Variants in ELAVL1 observed in about 807,000 individuals in gnomAD.
ELAVL1 encodes the protein ELAV-like protein 1.
A neutral mutation model predicts 28.4 loss-of-function variants in ELAVL1; 1 was observed. The ratio of observed to expected loss-of-function variants is 0.04; its 90% CI spans 0.01 to 0.17. The LOEUF (loss-of-function observed/expected upper bound fraction) is 0.17, where lower values mean the gene tolerates loss of function less well. ELAVL1 is among the 10% of genes least tolerant of loss of function. ELAVL1 has a pLI of 1.00. For synonymous variants in ELAVL1, 174 were observed against 183.5 expected (o/e 0.95, Z 0.42); for missense variants, 157 against 447.2 (o/e 0.35, Z 5.85).
chr19:7,996,797 G>C (rs1312073728), intron 1 of ELAVL1, among the ~76,000 whole-genome samples: 1 of 151,966 alleles, frequency 6.6e-6, no homozygotes, highest in Non-Finnish European at 1.5e-5. Context: ...TGGGCGATAG[G>C]GCCAGACTCC....
Position 7,973,613 on chromosome 19 carries a change from G to A in ELAVL1, c.430+112C>T, listed in dbSNP as rs756773567. 64 of 1,356,480 alleles carry A rather than the reference G, an allele frequency of 4.7e-5. 1 individual carries two copies. The highest frequency in any genetic ancestry group is 2.7e-4 in the South Asian group (19 of 71,600). The allele number at this position is 1,356,480 out of a possible 1,614,324, so 84.0% of individuals were successfully genotyped here. A position where few individuals can be genotyped will look rare whatever the true frequency, so the allele number is the denominator to read the frequency against. ...GTCTTCTCATTTTGGTGCTGTCCTC[G>A]TTTGCGGAATAACTAATGACATTTA... On this transcript the variant is annotated intron_variant, in intron 4 of 5. Transcript: ENST00000407627.
chr19:8,003,554 T>TGGTAGCCGGCGC (rs1308467952), intron 1 of ELAVL1, among the ~76,000 whole-genome samples: 4 of 151,240 alleles, frequency 2.6e-5, no homozygotes, highest in Admixed American at 6.6e-5. Context: ...TAGTCGGGCG[T>TGGTAGCCGGCGC]GGTAGCCGGC....
intron 4 of ELAVL1, among the ~76,000 whole-genome samples, chr19:7,969,428 G>GC (rs1196913382): frequency 6.6e-6 from 1 of 152,030 alleles, no homozygotes; most frequent in Non-Finnish European, 1.5e-5. Flanking sequence ...CCCCACAATC[G>GC]CGACACTGCA....
intron 1 of ELAVL1, 36 bp from the exon 2 acceptor site, chr19:7,991,867 T>C (rs763212068): frequency 2.1e-5 from 33 of 1,551,616 alleles, no homozygotes; most frequent in Non-Finnish European, 3.5e-6. Context: ...ATTCAAAATG[T>C]TCATATTGCA....
intron 1 of ELAVL1, among the ~76,000 whole-genome samples, chr19:7,999,111 G>A (rs939909490): frequency 6.6e-6 from 1 of 152,240 alleles, no homozygotes; most frequent in African/African-American, 2.4e-5. Flanking sequence ...GGTGGCTTAT[G>A]CCTGTAATCC....
intron 1 of ELAVL1, among the ~76,000 whole-genome samples, chr19:8,005,108 C>T (rs1009626393): frequency 2.6e-5 from 4 of 152,142 alleles, no homozygotes; most frequent in African/African-American, 9.6e-5. Flanking sequence ...GGAGCAAGCC[C>T]GTGGGCCGTG....
chr19:7,966,513 G>C (rs1984959134), intron 5 of ELAVL1, among the ~76,000 whole-genome samples: 1 of 152,236 alleles, frequency 6.6e-6, no homozygotes, highest in Non-Finnish European at 1.5e-5. Flanking sequence ...GTTTGAAAAA[G>C]GTTTGCCTTA....
chr19:7,967,720 G>C lies in ELAVL1; in HGVS notation c.501C>G (p.Phe167Leu). 3.1e-6 allele frequency: 5 copies of C among 1,614,172 alleles called. No individual in the cohort carries two copies. Among genetic ancestry groups the C allele is most frequent in the African/African-American group, 1.3e-5 (1 of 75,034 alleles). Residue 167 changes from phenylalanine to leucine, a missense_variant, in exon 5 of 6, where the codon TTC becomes TTG. Phe to Leu is a conservative substitution (Grantham distance 22, BLOSUM62 0). Coordinates refer to ENST00000407627, the MANE Select transcript of ELAVL1 (RefSeq NM_001419.3). ...AGGAACCTGGGGGTTTATGACCATTGAAACTGGTAATTGCCTCTTCTGCCT... is the reference window on the plus strand; with the variant it reads ...AGGAACCTGGGGGTTTATGACCATTCAAACTGGTAATTGCCTCTTCTGCCT... ...RSEAEEAITSFNGHKPPGSSE... is the reference protein window; with the variant it reads ...RSEAEEAITSLNGHKPPGSSE...
intron 2 of ELAVL1, among the ~76,000 whole-genome samples, chr19:7,986,309 G>C (rs1409180310): frequency 6.6e-6 from 1 of 152,222 alleles, no homozygotes; most frequent in Non-Finnish European, 1.5e-5. Flanking sequence ...ACTGGAGGTG[G>C]AGACTGAATT....
chr19:7,971,283 G>A (rs1014032242), intron 4 of ELAVL1, among the ~76,000 whole-genome samples: 1 of 152,214 alleles, frequency 6.6e-6, no homozygotes, highest in South Asian at 2.1e-4. Context: ...GGTGGCTGGA[G>A]GCATGTTCTC....
chr19:7,989,332 C>T (rs1254275963), intron 2 of ELAVL1, among the ~76,000 whole-genome samples: 3 of 152,212 alleles, frequency 2.0e-5, no homozygotes, highest in Admixed American at 6.5e-5. Flanking sequence ...GGCCCAGCCA[C>T]TCCACAACTC....
At chr19:8,002,540 G>A (rs1038779700) in intron 1 of ELAVL1, among the ~76,000 whole-genome samples, 1 of 152,196 alleles carries the variant, frequency 6.6e-6, no homozygotes, top group Non-Finnish European at 1.5e-5. Context: ...CGGGTCGGCC[G>A]CACCGCCTCG....
At chr19:8,002,806 TAG>T (rs1412398272) in intron 1 of ELAVL1, among the ~76,000 whole-genome samples, 2 of 152,156 alleles carry the variant, frequency 1.3e-5, no homozygotes, top group Non-Finnish European at 2.9e-5. Context: ...CAGGGAGGGT[TAG>T]AGTTTGGGGT....
Position 7,963,698 on chromosome 19 carries a change from C to T in ELAVL1, c.766G>A (p.Asp256Asn), listed in dbSNP as rs148254612. 8 of 1,614,168 alleles carry T rather than the reference C, an allele frequency of 5.0e-6. No homozygotes were observed. Among genetic ancestry groups the T allele is most frequent in the South Asian group, 1.1e-5 (1 of 91,092 alleles). The change falls in exon 6 of 6, where the codon GAC becomes AAC. Residue 256 changes from aspartate to asparagine, a missense_variant. Around this residue, in one of 4 missense-constraint regions of ELAVL1, gnomAD observed 107 missense variants for 310.4 expected, o/e 0.34. Coordinates refer to ENST00000407627, the MANE Select transcript of ELAVL1 (RefSeq NM_001419.3). This position sits in a 1 kb window ranked among gnomAD's most constrained non-coding sequence, Gnocchi z 4.5. ...IFIYNLGQDA[D>N]EGILWQMFGP... is the part of the protein sequence containing the mutation. ...AACATCTGCCAGAGGATCCCCTCGT[C>T]GGCATCCTGCCCCAGGTTGTAGATG...
In ELAVL1 at chr19:7,990,455, C is replaced by T. The variant is rs375533022; in HGVS notation, c.172+1189G>A. Among the ~76,000 whole-genome samples, 4 of 151,288 alleles carry T rather than the reference C, an allele frequency of 2.6e-5. No individual in the cohort carries two copies. The South Asian group carries it at 6.3e-4, about 24-fold the overall frequency. The stretch of plus-strand genomic sequence containing the variant: ...ATCTCAGCTCACTGCAACCTCAACC[C>T]CCGAGACTCAAGCAATTCTCCTGCC... On this transcript the variant is annotated intron_variant, in intron 2 of 5. Coordinates refer to ENST00000407627, the MANE Select transcript of ELAVL1 (RefSeq NM_001419.3).
chr19:7,996,815 A>C (rs914318161), intron 1 of ELAVL1, among the ~76,000 whole-genome samples: 2 of 152,158 alleles, frequency 1.3e-5, no homozygotes, highest in Admixed American at 6.5e-5. Flanking sequence ...TCCATCTCCA[A>C]AAACCAAAAA....
chr19:7,972,625 TTC>T (rs983727797), intron 4 of ELAVL1, among the ~76,000 whole-genome samples: 3 of 142,936 alleles, frequency 2.1e-5, no homozygotes, highest in Admixed American at 6.9e-5. Flanking sequence ...GCCTTTTTTT[TTC>T]TTTTTCTTTT....
chr19:7,992,937 G>A (rs11882325), intron 1 of ELAVL1, among the ~76,000 whole-genome samples: 25,573 of 152,098 alleles, frequency 0.17, 2,397 homozygotes, highest in Non-Finnish European at 0.21. Flanking sequence ...CACCACGCCC[G>A]GCTGATTTTT....
At chr19:8,003,547 T>C (rs941733643) in intron 1 of ELAVL1, among the ~76,000 whole-genome samples, 4 of 150,758 alleles carry the variant, frequency 2.7e-5, no homozygotes, top group Non-Finnish European at 4.4e-5. Context: ...AAAAAATTAG[T>C]CGGGCGTGGT....
Sources: gnomAD v4.1 joint callset for allele counts (sites outside exome capture counted in the v4.1 genomes callset) on GRCh38, gnomAD v4.1.1 for gene constraint, gnomAD v4.1.1 regional missense constraint, Gnocchi (gnomAD v3.1) non-coding constraint, MANE v1.5 for transcripts, NCBI Gene and HGNC (gene_info 2026-07-23, HGNC 2026-07-21) for gene names.